ADK: variants seen among roughly 807,000 people sequenced by gnomAD.
The protein encoded by ADK is N6,N6-dimethyladenosine kinase.
A neutral mutation model predicts 44.7 loss-of-function variants in ADK; 24 were observed. The observed-to-expected ratio is 0.54, with a 90% CI of 0.39 to 0.76. The LOEUF (loss-of-function observed/expected upper bound fraction) is 0.76, where lower values mean the gene tolerates loss of function less well. Ranked by LOEUF, ADK falls within the 30% of genes least tolerant of loss-of-function variation. The probability of loss-of-function intolerance (pLI) is 0.00; values close to 1 mark genes in which losing one functional copy is unlikely to be tolerated. For missense variants in ADK, 321 were observed against 425.1 expected (o/e 0.76, Z 2.15); for synonymous variants, 128 against 142.6 (o/e 0.90, Z 0.73).
chr10:74,629,131 A>G (rs528491472), intron 9 of ADK, among the ~76,000 whole-genome samples: 33 of 152,084 alleles, frequency 2.2e-4, no homozygotes, highest in Admixed American at 1.9e-3. Flanking sequence ...TTGGGCTCAA[A>G]CAATCCTCCT....
At chr10:74,293,512 C>G (rs1054421317) in intron 3 of ADK, among the ~76,000 whole-genome samples, 2 of 152,014 alleles carry the variant, frequency 1.3e-5, no homozygotes, top group Non-Finnish European at 2.9e-5. Context: ...TGAACTACAC[C>G]TTCTCCAATG....
At chr10:74,698,532 C>T (rs978192257) in intron 10 of ADK, among the ~76,000 whole-genome samples, 2 of 152,172 alleles carry the variant, frequency 1.3e-5, no homozygotes, top group Non-Finnish European at 2.9e-5. Flanking sequence ...AAATCTTGTT[C>T]TAAAAAGAGC....
chr10:74,454,963 T>G (rs575417157), intron 6 of ADK, among the ~76,000 whole-genome samples: 2 of 152,282 alleles, frequency 1.3e-5, no homozygotes, highest in South Asian at 4.1e-4. Flanking sequence ...GGTTTTATGA[T>G]CTGTTTCTAG....
At chr10:74,676,349 C>A (rs922192649) in intron 10 of ADK, among the ~76,000 whole-genome samples, 1 of 152,130 alleles carries the variant, frequency 6.6e-6, no homozygotes, top group Admixed American at 6.5e-5. Flanking sequence ...AGGCTGGTCT[C>A]GAACTCCTGA....
At chr10:74,221,894 G>T (rs910927293) in intron 2 of ADK, among the ~76,000 whole-genome samples, 3 of 151,878 alleles carry the variant, frequency 2.0e-5, no homozygotes, top group Admixed American at 2.0e-4. Context: ...AGACTTAAAC[G>T]TTAGACCTAA....
intron 6 of ADK, among the ~76,000 whole-genome samples, chr10:74,482,064 T>G (rs897446060): frequency 5.3e-5 from 8 of 152,368 alleles, no homozygotes; most frequent in African/African-American, 1.9e-4. Flanking sequence ...TTTAAGTCTG[T>G]TGTTAAAAAT....
At chr10:74,154,131 G>C (rs1480979668) in intron 1 of ADK, among the ~76,000 whole-genome samples, 2 of 152,110 alleles carry the variant, frequency 1.3e-5, no homozygotes, top group South Asian at 4.1e-4. Context: ...GGCAGAACTG[G>C]GAGAGAGCTG....
At position 74,197,279 on chromosome 10, in the gene ADK, A is replaced by G. The variant is rs140293696; in HGVS notation, c.66-3485A>G. ...GACAGACACACAATTCCAGTTTATT[A>G]TAAGAATGACTTCAAATGACCTTAA... On this transcript the variant is annotated intron_variant, in intron 1 of 10. Coordinates refer to ENST00000539909, the MANE Select transcript of ADK (RefSeq NM_006721.4). 1.0e-3 allele frequency among the ~76,000 whole-genome samples: 158 copies of G among 152,346 alleles called. 2 individuals are homozygous for G. Among genetic ancestry groups the G allele is most frequent in the African/African-American group, 3.5e-3 (147 of 41,570 alleles).
chr10:74,472,467 C>T (rs1478965068), intron 6 of ADK, among the ~76,000 whole-genome samples: 1 of 151,956 alleles, frequency 6.6e-6, no homozygotes, highest in Non-Finnish European at 1.5e-5. Flanking sequence ...ATTTTCCTCC[C>T]CTCCACTCCA....
At chr10:74,251,107 G>A (rs1245567842) in intron 3 of ADK, among the ~76,000 whole-genome samples, 2 of 152,146 alleles carry the variant, frequency 1.3e-5, no homozygotes, top group Non-Finnish European at 2.9e-5. Context: ...AAAAGATTTT[G>A]AAGTTTTGTG....
At chr10:74,433,876 G>C (rs1391771109) in intron 6 of ADK, among the ~76,000 whole-genome samples, 2 of 152,264 alleles carry the variant, frequency 1.3e-5, no homozygotes, top group East Asian at 3.9e-4. Context: ...ACATTAATTT[G>C]ACCATGTGTC....
At chr10:74,629,242 C>T (rs1853327465) in intron 9 of ADK, among the ~76,000 whole-genome samples, 1 of 152,056 alleles carries the variant, frequency 6.6e-6, no homozygotes, top group Non-Finnish European at 1.5e-5. Context: ...GTTGTCCAGG[C>T]TGATTTCAAA....
chr10:74,686,922 C>T (rs750417304), intron 10 of ADK, among the ~76,000 whole-genome samples: 14 of 152,080 alleles, frequency 9.2e-5, no homozygotes, highest in African/African-American at 1.9e-4. Flanking sequence ...GTGATCCACC[C>T]GCCTCAACCT....
At chr10:74,272,644 A>C (rs943934186) in intron 3 of ADK, among the ~76,000 whole-genome samples, 7 of 152,356 alleles carry the variant, frequency 4.6e-5, no homozygotes, top group Middle Eastern at 3.4e-3. Flanking sequence ...ATAACCTCCA[A>C]ATAGTGATAT....
intron 10 of ADK, 147 bp from the exon 11 acceptor site, chr10:74,708,174 C>A: frequency 4.3e-6 from 3 of 699,790 alleles, no homozygotes; most frequent in Non-Finnish European, 7.0e-6. Flanking sequence ...AAAAAAAGAC[C>A]TCCCTAACGG....
At chr10:74,488,969 G>T (rs1783844791) in intron 6 of ADK, among the ~76,000 whole-genome samples, 1 of 151,780 alleles carries the variant, frequency 6.6e-6, no homozygotes, top group African/African-American at 2.4e-5. Flanking sequence ...ATACATACCA[G>T]TTTCTTAGGA....
chr10:74,382,972 C>T (rs372986283), intron 4 of ADK, among the ~76,000 whole-genome samples: 1 of 151,826 alleles, frequency 6.6e-6, no homozygotes, highest in East Asian at 1.9e-4. Context: ...TCCTCTCACA[C>T]ATACCCTGCA....
intron 1 of ADK, among the ~76,000 whole-genome samples, chr10:74,184,501 TTGTGTG>T (rs67693938): frequency 0.19 from 25,887 of 138,264 alleles, 2,388 homozygotes; most frequent in East Asian, 0.25. Context: ...TGGCTATATT[TTGTGTG>T]TGTGTGTGTG....
chr10:74,193,669 T>C (rs1281656585), intron 1 of ADK, among the ~76,000 whole-genome samples: 5 of 151,984 alleles, frequency 3.3e-5, no homozygotes, highest in African/African-American at 1.2e-4. Flanking sequence ...TCCCAACTTA[T>C]TGGGAGGCTG....
Sources: gnomAD v4.1 joint callset for allele counts (sites outside exome capture counted in the v4.1 genomes callset) on GRCh38, gnomAD v4.1.1 for gene constraint, MANE v1.5 for transcripts, NCBI Gene and HGNC (gene_info 2026-07-23, HGNC 2026-07-21) for gene names.